Variants in GSE1 observed in about 807,000 individuals in gnomAD.
GSE1 encodes the protein Gse1 coiled-coil protein, also known as genetic suppressor element 1.
GSE1 carries 32 observed loss-of-function variants against 112.6 expected under a neutral mutation model. The ratio of observed to expected loss-of-function variants is 0.28; its 90% CI spans 0.21 to 0.38. The LOEUF is 0.38. Ranked by LOEUF, GSE1 falls within the 10% of genes least tolerant of loss-of-function variation. The pLI, the probability that GSE1 is intolerant of heterozygous loss-of-function variation, is 1.00. For missense variants in GSE1, 2,348 were observed against 1,699.2 expected, an observed-to-expected ratio of 1.38 and a Z score of -6.71; for synonymous variants, 1,115 against 735.6, an observed-to-expected ratio of 1.52 and a Z score of -8.35.
At chr16:85,470,390 G>C (rs2050253025) in intron 2 of GSE1, among the ~76,000 whole-genome samples, 1 of 151,922 alleles carries the variant, frequency 6.6e-6, no homozygotes, top group African/African-American at 2.4e-5. Context: ...GCCTGGAGAA[G>C]TCAGGACTTG....
At chr16:85,394,351 G>A (rs1046999750) in intron 2 of GSE1, among the ~76,000 whole-genome samples, 5 of 152,338 alleles carry the variant, frequency 3.3e-5, no homozygotes, top group East Asian at 1.9e-4. Context: ...CCCGCTGGAC[G>A]CTGCTCTAAT....
chr16:85,674,346 C>T lies in GSE1; in HGVS notation c.*1807C>T, dbSNP rs2053564436. ...TTAGCAAACTCAGACGAATGTACCG[C>T]CAGTATTATCAGCAGTCAACAAGCA... On this transcript the variant is annotated 3_prime_UTR_variant, in exon 16 of 16. Transcript: ENST00000253458. The T allele has an allele frequency of 6.6e-6, 1 of 152,242 alleles. No individual in the cohort carries two copies. The highest frequency in any genetic ancestry group is 2.1e-4 in the South Asian group (1 of 4,826). 9.4% of individuals were successfully genotyped at this position (152,242 alleles called of 1,614,324 possible).
intron 1 of GSE1, among the ~76,000 whole-genome samples, chr16:85,581,213 G>T (rs943879743): frequency 1.3e-5 from 2 of 152,226 alleles, no homozygotes; most frequent in African/African-American, 4.8e-5. Flanking sequence ...CTTCAGTGGG[G>T]AGGGGGCTGG....
At chr16:85,237,755 G>A (rs749851134) in intron 1 of GSE1, among the ~76,000 whole-genome samples, 4 of 151,388 alleles carry the variant, frequency 2.6e-5, no homozygotes, top group Admixed American at 6.6e-5. Flanking sequence ...GGAGAATGGC[G>A]TGAACCCAGG....
At chr16:85,426,418 GTGAA>G (rs1299670442) in intron 2 of GSE1, among the ~76,000 whole-genome samples, 1 of 125,128 alleles carries the variant, frequency 8.0e-6, no homozygotes, top group Non-Finnish European at 1.7e-5. Flanking sequence ...GGATGGATGA[GTGAA>G]TGGATGAATG....
At chr16:85,381,083 C>T (rs1217186617) in intron 2 of GSE1, among the ~76,000 whole-genome samples, 2 of 152,216 alleles carry the variant, frequency 1.3e-5, no homozygotes, top group South Asian at 2.1e-4. Context: ...AAATCCCAGA[C>T]GCATTAGCTC....
chr16:85,305,752 A>G (rs2045661220), intron 1 of GSE1, among the ~76,000 whole-genome samples: 1 of 152,160 alleles, frequency 6.6e-6, no homozygotes, highest in Non-Finnish European at 1.5e-5. Flanking sequence ...TCGGGATTAC[A>G]GGCGTGAGTC....
chr16:85,649,191 C>T (rs1013652389), intron 3 of GSE1, among the ~76,000 whole-genome samples: 3 of 152,106 alleles, frequency 2.0e-5, no homozygotes, highest in African/African-American at 7.2e-5. Flanking sequence ...ACCCTAATGT[C>T]CTTATTCTCA....
intron 1 of GSE1, among the ~76,000 whole-genome samples, chr16:85,300,178 A>T (rs2045481119): frequency 6.6e-6 from 1 of 151,844 alleles, no homozygotes; most frequent in South Asian, 2.1e-4. Flanking sequence ...CACCTGGCTA[A>T]TTTTTGCATT....
intron 1 of GSE1, among the ~76,000 whole-genome samples, chr16:85,248,686 C>T (rs1377704463): frequency 6.6e-6 from 1 of 152,238 alleles, no homozygotes; most frequent in Non-Finnish European, 1.5e-5. Context: ...CCTTTGGGAA[C>T]CTTATCTTGG....
upstream of GSE1, among the ~76,000 whole-genome samples, chr16:85,612,010 G>C (rs1226301529): frequency 6.6e-6 from 1 of 152,126 alleles, no homozygotes; most frequent in Non-Finnish European, 1.5e-5. Flanking sequence ...CAGCGCTGGG[G>C]CGGCCGCCCA....
chr16:85,448,978 C>G (rs1257894793), intron 2 of GSE1, among the ~76,000 whole-genome samples: 3 of 152,212 alleles, frequency 2.0e-5, no homozygotes, highest in Non-Finnish European at 4.4e-5. Flanking sequence ...GCCCCTCCAC[C>G]CGCTCAGCCC....
At chr16:85,544,577 G>C (rs1208913336) in intron 2 of GSE1, among the ~76,000 whole-genome samples, 1 of 152,180 alleles carries the variant, frequency 6.6e-6, no homozygotes, top group African/African-American at 2.4e-5. Flanking sequence ...TAAAAAGCTC[G>C]CACCCAGCAT....
intron 2 of GSE1, among the ~76,000 whole-genome samples, chr16:85,506,529 A>G (rs2051540105): frequency 6.6e-6 from 1 of 152,128 alleles, no homozygotes; most frequent in Non-Finnish European, 1.5e-5. Context: ...GCTGACGATC[A>G]GGGGAGCTTC....
At chr16:85,242,265 C>T (rs935949852) in intron 1 of GSE1, among the ~76,000 whole-genome samples, 2 of 152,210 alleles carry the variant, frequency 1.3e-5, no homozygotes, top group Admixed American at 1.3e-4. Flanking sequence ...CCCCTGCAAG[C>T]AGCCGCCCTC....
At chr16:85,473,095 A>G (rs2050344243) in intron 2 of GSE1, among the ~76,000 whole-genome samples, 1 of 152,244 alleles carries the variant, frequency 6.6e-6, no homozygotes. Context: ...GAGGGAGGAC[A>G]TTTGAATGGA....
At chr16:85,458,871 T>C (rs562019958) in intron 2 of GSE1, among the ~76,000 whole-genome samples, 2 of 152,158 alleles carry the variant, frequency 1.3e-5, no homozygotes, top group African/African-American at 2.4e-5. Flanking sequence ...TAACCCTCCA[T>C]CTAAGGCCAG....
At chr16:85,545,208 C>T (rs2044655567) in intron 2 of GSE1, among the ~76,000 whole-genome samples, 1 of 152,238 alleles carries the variant, frequency 6.6e-6, no homozygotes, top group Non-Finnish European at 1.5e-5. Flanking sequence ...GTCCCCAACA[C>T]AGTCGCTGTC....
chr16:85,580,425 G>A (rs1191243311), intron 1 of GSE1, among the ~76,000 whole-genome samples: 1 of 152,200 alleles, frequency 6.6e-6, no homozygotes, highest in African/African-American at 2.4e-5. Flanking sequence ...CCGCCAAGGA[G>A]GGAGGCTGCG....
Sources: gnomAD v4.1 joint callset for allele counts (sites outside exome capture counted in the v4.1 genomes callset) on GRCh38, gnomAD v4.1.1 for gene constraint, MANE v1.5 for transcripts, NCBI Gene and HGNC (gene_info 2026-07-23, HGNC 2026-07-21) for gene names.